USP37: variants seen among roughly 807,000 people sequenced by gnomAD.
USP37 encodes the protein ubiquitin specific peptidase 37, also known as ubiquitin carboxyl-terminal hydrolase 37.
Under a neutral mutation model 124.0 loss-of-function variants are expected in USP37, and 27 were observed. The observed-to-expected ratio is 0.22, with a 90% CI of 0.16 to 0.30. The LOEUF is 0.30. Among genes scored for constraint, USP37 ranks in the 10% least tolerant of loss-of-function variants. The pLI is 1.00. For synonymous variants in USP37, 365 were observed against 388.0 expected, an observed-to-expected ratio of 0.94 and a Z score of 0.70; for missense variants, 889 against 1,140.4, an observed-to-expected ratio of 0.78 and a Z score of 3.17.
In USP37 at chr2:218,568,315, G is replaced by A. The variant is rs980211924; in HGVS notation, c.-367C>T. The A allele has an allele frequency of 4.6e-5, 7 of 152,872 alleles. No individual in the cohort carries two copies. The highest frequency in any genetic ancestry group is 1.7e-4 in the African/African-American group (7 of 41,582). The allele number at this position is 152,872 out of a possible 1,614,324, so 9.5% of individuals were successfully genotyped here. A position where few individuals can be genotyped will look rare whatever the true frequency, so the allele number is the denominator to read the frequency against. On this transcript the variant is annotated 5_prime_UTR_variant, in exon 1 of 26. Coordinates refer to ENST00000258399, the MANE Select transcript of USP37 (RefSeq NM_020935.3). The stretch of plus-strand genomic sequence containing the variant: ...GCCGCTAGCTACCCCTAGTCAGGGA[G>A]AGCGGCTGATGGCGGGAACTGTGAC...
intron 14 of USP37, 42 bp from the exon 15 acceptor site, chr2:218,488,463 C>T (rs1691716836): frequency 5.4e-6 from 7 of 1,308,218 alleles, no homozygotes; most frequent in Non-Finnish European, 6.5e-6. Context: ...TAGACCAATA[C>T]ACAAGAAACA....
chr2:218,463,171 AATAAACAC>A, intron 22 of USP37, 127 bp downstream of exon 22: 1 of 805,584 alleles, frequency 1.2e-6, no homozygotes, highest in African/African-American at 2.0e-5. Context: ...TCTCCCCCAC[AATAAACAC>A]ACACACACAC....
chr2:218,540,104 G>T (rs1691889643), intron 8 of USP37, among the ~76,000 whole-genome samples: 1 of 152,030 alleles, frequency 6.6e-6, no homozygotes. Context: ...CATCTGAATT[G>T]CCAGCATCAC....
intron 10 of USP37, among the ~76,000 whole-genome samples, chr2:218,514,740 A>C (rs1690183211): frequency 6.6e-6 from 1 of 152,182 alleles, no homozygotes; most frequent in Non-Finnish European, 1.5e-5. Context: ...ATACATTTTG[A>C]CTGCAATTAT....
At chr2:218,485,530 C>T (rs372026900) in intron 16 of USP37, 134 bp downstream of exon 16, 1 of 1,034,150 alleles carries the variant, frequency 9.7e-7, no homozygotes, top group South Asian at 1.8e-5. Flanking sequence ...ACCCTCTTTA[C>T]CAATCCATTC....
Position 218,500,252 on chromosome 2 carries a change from C to CATTT in USP37, c.1026-2099_1026-2096dup, listed in dbSNP as rs1012776317. ...ACCACACGCAGCTAATGTTTGTATTCATTTATTTATTTATTTATTTATTTT... is the reference window on the plus strand; with the variant it reads ...ACCACACGCAGCTAATGTTTGTATTCATTTATTTATTTATTTATTTATTTATTTT... On this transcript the variant is annotated intron_variant, in intron 11 of 25. Coordinates refer to ENST00000258399, the MANE Select transcript of USP37 (RefSeq NM_020935.3). Among the ~76,000 whole-genome samples the CATTT allele has an allele frequency of 6.3e-3, 950 of 151,288 alleles. 7 individuals carry two copies. The highest frequency in any genetic ancestry group is 0.02 in the African/African-American group (820 of 41,276).
chr2:218,535,648 A>C (rs1027495296), intron 8 of USP37, among the ~76,000 whole-genome samples: 2 of 152,062 alleles, frequency 1.3e-5, no homozygotes, highest in African/African-American at 2.4e-5. Context: ...TGAGGTCAGG[A>C]GATCAAGACC....
At chr2:218,459,655 A>T (rs1689899854) in intron 23 of USP37, 135 bp downstream of exon 23, 5 of 605,500 alleles carry the variant, frequency 8.3e-6, no homozygotes, top group Non-Finnish European at 1.4e-5. Flanking sequence ...GACAAGAGAA[A>T]ATGAGACCAT....
intron 8 of USP37, among the ~76,000 whole-genome samples, chr2:218,544,459 A>AGAGAGAGAGAGAGAGAGAGAGAGAGAGG (rs1457872657): frequency 7.0e-6 from 1 of 143,250 alleles, no homozygotes; most frequent in African/African-American, 2.6e-5. Context: ...AGAGAGAGAG[A>AGAGAGAGAGAGAGAGAGAGAGAGAGAGG]GACCCCAATT....
chr2:218,463,264 A>C, intron 22 of USP37, 42 bp downstream of exon 22: 1 of 1,566,072 alleles, frequency 6.4e-7, no homozygotes, highest in South Asian at 1.1e-5. Context: ...TGTGAATGGT[A>C]ATTTTACCAT....
intron 10 of USP37, among the ~76,000 whole-genome samples, chr2:218,523,684 C>T (rs1359265333): frequency 6.6e-6 from 1 of 152,076 alleles, no homozygotes; most frequent in African/African-American, 2.4e-5. Flanking sequence ...CCCTTAAGTA[C>T]TGTGATAATA....
At chr2:218,549,298 T>C (rs1209697160) in intron 6 of USP37, among the ~76,000 whole-genome samples, 1 of 152,076 alleles carries the variant, frequency 6.6e-6, no homozygotes, top group Non-Finnish European at 1.5e-5. Flanking sequence ...CATTGCTTAG[T>C]CCAATAAGTG....
intron 1 of USP37, among the ~76,000 whole-genome samples, chr2:218,566,902 G>A (rs1693632630): frequency 6.6e-6 from 1 of 152,022 alleles, no homozygotes; most frequent in Non-Finnish European, 1.5e-5. Context: ...TAATAAACTG[G>A]GACACTGGAG....
intron 21 of USP37, 60 bp downstream of exon 21, chr2:218,465,944 GTTATTA>G (rs928928708): frequency 4.2e-5 from 65 of 1,534,198 alleles, no homozygotes; most frequent in African/African-American, 1.3e-4. Flanking sequence ...CAACACATTA[GTTATTA>G]TTATTATATT....
intron 8 of USP37, among the ~76,000 whole-genome samples, chr2:218,545,364 A>G (rs1241264728): frequency 1.3e-5 from 2 of 152,192 alleles, no homozygotes; most frequent in Non-Finnish European, 2.9e-5. Context: ...GAGACAAGAA[A>G]GTAGAGACTG....
intron 8 of USP37, among the ~76,000 whole-genome samples, chr2:218,542,049 C>A (rs146239612): frequency 2.6e-5 from 4 of 152,234 alleles, no homozygotes; most frequent in Non-Finnish European, 4.4e-5. Context: ...AGCCTCCCTG[C>A]CTCAAGCTAG....
chr2:218,498,338 A>G (rs879160049), intron 11 of USP37, 181 bp from the exon 12 acceptor site: 1 of 477,456 alleles, frequency 2.1e-6, no homozygotes, highest in Non-Finnish European at 3.4e-6. Flanking sequence ...GTGTCCAAAA[A>G]AAGAAGGCAC....
intron 9 of USP37, among the ~76,000 whole-genome samples, chr2:218,533,436 A>G (rs559722): frequency 0.61 from 92,033 of 151,964 alleles, 28,077 homozygotes; most frequent in East Asian, 0.78. Flanking sequence ...CATTTAAAAC[A>G]TCTACGTTTT....
chr2:218,564,301 T>C (rs1693468462), intron 1 of USP37, among the ~76,000 whole-genome samples: 1 of 152,234 alleles, frequency 6.6e-6, no homozygotes, highest in Non-Finnish European at 1.5e-5. Context: ...CTAAATGCCA[T>C]ACATGCATTA....
Sources: allele counts gnomAD v4.1 joint callset (sites outside exome capture counted in the v4.1 genomes callset), GRCh38; gene constraint gnomAD v4.1.1; transcripts MANE v1.5; gene names NCBI Gene and HGNC (gene_info 2026-07-23, HGNC 2026-07-21).